BMP6: variants seen among roughly 807,000 people sequenced by gnomAD.
BMP6 encodes bone morphogenetic protein 6.
Under a neutral mutation model 54.1 loss-of-function variants are expected in BMP6, and 17 were observed. The ratio of observed to expected loss-of-function variants is 0.31; its 90% CI spans 0.22 to 0.47. The LOEUF is 0.47. Ranked by LOEUF, BMP6 falls within the 20% of genes least tolerant of loss-of-function variation. The probability of loss-of-function intolerance (pLI) is 1.00; values close to 1 mark genes in which losing one functional copy is unlikely to be tolerated. For missense variants in BMP6, 720 were observed against 690.4 expected (o/e 1.04, Z -0.48); for synonymous variants, 328 against 291.2 (o/e 1.13, Z -1.28).
At chr6:7,727,719 G>T (rs1245262132) in intron 1 of BMP6, 100 bp downstream of exon 1, 3 of 1,324,664 alleles carry the variant, frequency 2.3e-6, no homozygotes, top group Non-Finnish European at 2.9e-6. Context: ...CCCGGCGCGC[G>T]GGTCCCGCCT....
intron 1 of BMP6, among the ~76,000 whole-genome samples, chr6:7,760,221 C>G (rs1757592997): frequency 6.6e-6 from 1 of 151,992 alleles, no homozygotes; most frequent in African/African-American, 2.4e-5. Flanking sequence ...GCCAGTGTAC[C>G]TGACCTTCAA....
At chr6:7,813,086 C>CCAAAAAAAAAA (rs1758458099) in intron 1 of BMP6, among the ~76,000 whole-genome samples, 1 of 4,388 alleles carries the variant, frequency 2.3e-4, no homozygotes, top group African/African-American at 1.3e-3. Flanking sequence ...CCTGTCTCTA[C>CCAAAAAAAAAA]AAAAAAAAAA....
At chr6:7,844,094 G>A (rs1177670211) in intron 1 of BMP6, among the ~76,000 whole-genome samples, 1 of 151,926 alleles carries the variant, frequency 6.6e-6, no homozygotes, top group Non-Finnish European at 1.5e-5. Context: ...TTCTGCTTCT[G>A]TGAGTTCCAC....
intron 2 of BMP6, 90 bp from the exon 3 acceptor site, chr6:7,861,361 G>A (rs564674902): frequency 1.3e-6 from 2 of 1,507,278 alleles, no homozygotes; most frequent in African/African-American, 2.8e-5. Context: ...TCTGACTCGG[G>A]CATGTTTTAT....
intron 1 of BMP6, among the ~76,000 whole-genome samples, chr6:7,750,630 T>C (rs1046199343): frequency 6.6e-6 from 1 of 152,244 alleles, no homozygotes; most frequent in Non-Finnish European, 1.5e-5. Context: ...CTTGAGATTT[T>C]TCCAGCTGGT....
chr6:7,811,729 A>G (rs1758438827), intron 1 of BMP6, among the ~76,000 whole-genome samples: 1 of 152,116 alleles, frequency 6.6e-6, no homozygotes, highest in South Asian at 2.1e-4. Flanking sequence ...TCGCTCTAAC[A>G]TCTTCCTCCC....
intron 1 of BMP6, among the ~76,000 whole-genome samples, chr6:7,776,992 A>C (rs1424052091): frequency 1.3e-5 from 2 of 152,248 alleles, no homozygotes; most frequent in Non-Finnish European, 2.9e-5. Context: ...TTCTTTGAAG[A>C]TCAAGCACCT....
At chr6:7,771,780 C>G (rs1363859262) in intron 1 of BMP6, among the ~76,000 whole-genome samples, 1 of 152,122 alleles carries the variant, frequency 6.6e-6, no homozygotes, top group Non-Finnish European at 1.5e-5. Context: ...AGGTCGGATG[C>G]GGTGGCTCAT....
chr6:7,831,316 A>G (rs1758789399), intron 1 of BMP6, among the ~76,000 whole-genome samples: 2 of 152,162 alleles, frequency 1.3e-5, no homozygotes, highest in African/African-American at 4.8e-5. Flanking sequence ...GGAAATGGGG[A>G]GCTTTTGCTT....
chr6:7,798,011 G>T (rs1758216029), intron 1 of BMP6, among the ~76,000 whole-genome samples: 1 of 152,180 alleles, frequency 6.6e-6, no homozygotes, highest in Non-Finnish European at 1.5e-5. Context: ...CCATTGTGTT[G>T]TAGATCTTGT....
At chr6:7,735,903 C>G (rs531077639) in intron 1 of BMP6, among the ~76,000 whole-genome samples, 1 of 152,224 alleles carries the variant, frequency 6.6e-6, no homozygotes, top group Admixed American at 6.5e-5. Context: ...TGTGGAGAAG[C>G]TGTACATTAA....
chr6:7,774,378 C>G (rs547472052), intron 1 of BMP6, among the ~76,000 whole-genome samples: 1 of 152,150 alleles, frequency 6.6e-6, no homozygotes, highest in Non-Finnish European at 1.5e-5. Flanking sequence ...GTCGAAGCCC[C>G]GTCTCTACTA....
intron 1 of BMP6, among the ~76,000 whole-genome samples, chr6:7,764,003 G>A (rs990542706): frequency 6.6e-6 from 1 of 152,212 alleles, no homozygotes; most frequent in South Asian, 2.1e-4. Context: ...CAGCTGTTGA[G>A]TGAAGGATCC....
chr6:7,879,171 G>T (rs772294681), intron 5 of BMP6, 21 bp downstream of exon 5: 1 of 1,602,292 alleles, frequency 6.2e-7, no homozygotes, highest in Non-Finnish European at 8.6e-7. Context: ...TGGACACGGG[G>T]GATAAAGGTC....
chr6:7,774,804 T>A (rs1757840117), intron 1 of BMP6, among the ~76,000 whole-genome samples: 1 of 152,248 alleles, frequency 6.6e-6, no homozygotes, highest in Admixed American at 6.5e-5. Flanking sequence ...TTGGTTGCTA[T>A]AACAATGCCA....
chr6:7,811,846 A>G (rs1025525282), intron 1 of BMP6, among the ~76,000 whole-genome samples: 4 of 152,194 alleles, frequency 2.6e-5, no homozygotes, highest in Non-Finnish European at 5.9e-5. Context: ...GGAAGCACCT[A>G]ATTTTCTGTT....
rs74667885 is a variant in BMP6, at chr6:7,845,086, G to A, written c.665-54G>A. 3,901 of 1,500,650 alleles carry A rather than the reference G, an allele frequency of 2.6e-3. 91 individuals are homozygous for A. The African/African-American group carries it at 0.048, about 18-fold the overall frequency. 93.0% of individuals were successfully genotyped at this position (1,500,650 alleles called of 1,614,324 possible). On this transcript the variant is annotated intron_variant, in intron 1 of 6. Transcript: ENST00000283147. ...ACGGGGAAACTGGTGAGGTAAGCCC[G>A]TGGCACTTAGTCAAGTAACAATAGT...
chr6:7,763,470 G>A (rs1427135468), intron 1 of BMP6, among the ~76,000 whole-genome samples: 7 of 152,142 alleles, frequency 4.6e-5, no homozygotes, highest in East Asian at 3.8e-4. Flanking sequence ...ACATCCCATC[G>A]CCTTTTATGT....
At chr6:7,730,331 A>G (rs75903407) in intron 1 of BMP6, among the ~76,000 whole-genome samples, 1 of 152,062 alleles carries the variant, frequency 6.6e-6, no homozygotes, top group Non-Finnish European at 1.5e-5. Context: ...TCCCCTAAAA[A>G]TTTTTAAGAG....
Sources: allele counts gnomAD v4.1 joint callset (sites outside exome capture counted in the v4.1 genomes callset), GRCh38; gene constraint gnomAD v4.1.1; transcripts MANE v1.5; gene names NCBI Gene and HGNC (gene_info 2026-07-23, HGNC 2026-07-21).